The following LOC128125817 variants were observed in gnomAD, a reference collection of about 807,000 sequenced individuals.
chr1:41,615,331 G>A, the LOC128125817 span, among the ~76,000 whole-genome samples: 29 of 152,272 alleles, frequency 1.9e-4, no homozygotes, highest in Middle Eastern at 3.4e-3. Flanking sequence ...TTGGGAAATC[G>A]GCCCGTCCCT....
the LOC128125817 span, among the ~76,000 whole-genome samples, chr1:41,627,635 A>C: frequency 6.6e-6 from 1 of 152,102 alleles, no homozygotes; most frequent in Non-Finnish European, 1.5e-5. Flanking sequence ...CCCCTTCTCT[A>C]TACAGTGAGG....
At chr1:41,599,015 C>T in the LOC128125817 span, among the ~76,000 whole-genome samples, 10 of 152,072 alleles carry the variant, frequency 6.6e-5, no homozygotes, top group African/African-American at 2.4e-4. Flanking sequence ...TGGGGTTTCA[C>T]CATGTTGGCC....
the LOC128125817 span, among the ~76,000 whole-genome samples, chr1:41,617,537 G>T: frequency 6.6e-6 from 1 of 152,226 alleles, no homozygotes; most frequent in East Asian, 1.9e-4. Flanking sequence ...TGCTCCTGAG[G>T]GCTGGTCCAG....
At chr1:41,616,561 A>G in the LOC128125817 span, among the ~76,000 whole-genome samples, 9 of 130,398 alleles carry the variant, frequency 6.9e-5, no homozygotes, top group African/African-American at 2.4e-4. Context: ...CTGAGGCAAT[A>G]GCAATTACTT....
the LOC128125817 span, among the ~76,000 whole-genome samples, chr1:41,593,388 A>C: frequency 6.6e-6 from 1 of 152,152 alleles, no homozygotes; most frequent in African/African-American, 2.4e-5. Flanking sequence ...GCAGCACTGT[A>C]TTCCATTTTT....
At chr1:41,605,159 TGGAGA>T in the LOC128125817 span, among the ~76,000 whole-genome samples, 1 of 16,042 alleles carries the variant, frequency 6.2e-5, no homozygotes, top group African/African-American at 2.5e-4. Context: ...AGCGGAGGGG[TGGAGA>T]GGGGAGGGGA....
chr1:41,608,970 G>C, the LOC128125817 span, among the ~76,000 whole-genome samples: 124 of 150,624 alleles, frequency 8.2e-4, 1 homozygote, highest in African/African-American at 2.5e-3. Context: ...TGTAATCCCA[G>C]TTACTTGGAA....
the LOC128125817 span, among the ~76,000 whole-genome samples, chr1:41,586,016 G>A: frequency 6.6e-6 from 1 of 152,230 alleles, no homozygotes. Flanking sequence ...TACTGCCACA[G>A]CCTGTGAGAA....
chr1:41,624,985 G>A, the LOC128125817 span, among the ~76,000 whole-genome samples: 2 of 152,068 alleles, frequency 1.3e-5, no homozygotes, highest in Non-Finnish European at 2.9e-5. Flanking sequence ...CTGACATGGT[G>A]AAACCCCATC....
the LOC128125817 span, among the ~76,000 whole-genome samples, chr1:41,589,065 T>A: frequency 7.9e-5 from 12 of 152,242 alleles, no homozygotes; most frequent in Non-Finnish European, 1.5e-4. Context: ...ATGGTTCTTT[T>A]CTACCTTCTG....
At chr1:41,626,000 C>A in the LOC128125817 span, among the ~76,000 whole-genome samples, 14 of 152,326 alleles carry the variant, frequency 9.2e-5, no homozygotes, top group East Asian at 2.7e-3. Flanking sequence ...TGAGAAATTG[C>A]TTCCATATCC....
chr1:41,620,625 C>T, the LOC128125817 span, among the ~76,000 whole-genome samples: 1 of 152,214 alleles, frequency 6.6e-6, no homozygotes, highest in Admixed American at 6.5e-5. Context: ...CCCCACCCAG[C>T]ACGCCCCAAT....
chr1:41,603,722 T>C, the LOC128125817 span, among the ~76,000 whole-genome samples: 1 of 152,254 alleles, frequency 6.6e-6, no homozygotes, highest in Non-Finnish European at 1.5e-5. Flanking sequence ...GCTTTCAATC[T>C]TAAATTTGTT....
At chr1:41,586,435 C>A in the LOC128125817 span, among the ~76,000 whole-genome samples, 1 of 152,210 alleles carries the variant, frequency 6.6e-6, no homozygotes, top group South Asian at 2.1e-4. Context: ...CCAGGCCTCC[C>A]ATGGCCAGAG....
chr1:41,620,935 G>C, the LOC128125817 span, among the ~76,000 whole-genome samples: 94,039 of 152,048 alleles, frequency 0.62, 29,574 homozygotes, highest in African/African-American at 0.74. Context: ...GCGGCACCTC[G>C]AGGACCACCC....
At chr1:41,608,302 T>C in the LOC128125817 span, among the ~76,000 whole-genome samples, 19 of 152,308 alleles carry the variant, frequency 1.2e-4, no homozygotes, top group East Asian at 3.7e-3. Flanking sequence ...CTTTTCTCCA[T>C]GGTGGGCATA....
chr1:41,609,454 T>A, the LOC128125817 span, among the ~76,000 whole-genome samples: 2 of 152,240 alleles, frequency 1.3e-5, no homozygotes, highest in African/African-American at 2.4e-5. Context: ...GCAGGCTGTG[T>A]TTGCCTTTGG....
chr1:41,608,765 T>G, the LOC128125817 span, among the ~76,000 whole-genome samples: 1 of 152,202 alleles, frequency 6.6e-6, no homozygotes, highest in Non-Finnish European at 1.5e-5. Context: ...GCTGTTATGA[T>G]GTCATCCTTT....
the LOC128125817 span, among the ~76,000 whole-genome samples, chr1:41,593,330 T>TA: frequency 6.6e-6 from 1 of 152,240 alleles, no homozygotes; most frequent in African/African-American, 2.4e-5. Flanking sequence ...TTTCTTTTTT[T>TA]AAATCTATGT....
Sources: gnomAD v4.1 joint callset for allele counts (sites outside exome capture counted in the v4.1 genomes callset) on GRCh38, gnomAD v4.1.1 for gene constraint, MANE v1.5 for transcripts.